Variants in CCDC88A observed in about 807,000 individuals in gnomAD.
CCDC88A encodes the protein coiled-coil and HOOK domain protein 88A, also known as girdin.
CCDC88A carries 54 observed loss-of-function variants against 234.3 expected under a neutral mutation model. That is an observed-to-expected ratio of 0.23 (90% CI 0.19 to 0.29). The LOEUF is 0.29. CCDC88A is among the 10% of genes least tolerant of loss of function. The probability of loss-of-function intolerance (pLI) is 1.00; values close to 1 mark genes in which losing one functional copy is unlikely to be tolerated. For synonymous variants in CCDC88A, 753 were observed against 737.8 expected (o/e 1.02, Z -0.33); for missense variants, 1,832 against 2,123.4 (o/e 0.86, Z 2.70).
At chr2:55,376,917 C>T (rs891388654) in intron 3 of CCDC88A, among the ~76,000 whole-genome samples, 3 of 152,242 alleles carry the variant, frequency 2.0e-5, no homozygotes, top group Middle Eastern at 3.4e-3. Context: ...CTGCAACCTC[C>T]GCCTCCCTGG....
chr2:55,294,387 T>C (rs1679780482), intron 31 of CCDC88A: 2 of 953,728 alleles, frequency 2.1e-6, no homozygotes, highest in Non-Finnish European at 2.5e-6. Context: ...GATGGGGTTT[T>C]CTAAGAATAA....
At chr2:55,342,746 GA>G (rs1668666586) in intron 12 of CCDC88A, among the ~76,000 whole-genome samples, 1 of 152,076 alleles carries the variant, frequency 6.6e-6, no homozygotes, top group Admixed American at 6.5e-5. Flanking sequence ...TCAATAGGAT[GA>G]ATCATCTATA....
At chr2:55,314,348 G>A (rs1370430059) in intron 22 of CCDC88A, 1 of 152,200 alleles carries the variant, frequency 6.6e-6, no homozygotes, top group Non-Finnish European at 1.5e-5. Context: ...CGTTGTTAAA[G>A]AGCATTATCA....
At chr2:55,292,848 G>A (rs1386201461) in intron 31 of CCDC88A, 1 of 152,246 alleles carries the variant, frequency 6.6e-6, no homozygotes, top group Non-Finnish European at 1.5e-5. Context: ...GCTACAGAGT[G>A]AGATTCCATC....
chr2:55,367,274 A>G lies in CCDC88A; in HGVS notation c.403-3241T>C, dbSNP rs1193968885. Among the ~76,000 whole-genome samples the G allele has an allele frequency of 4.6e-5, 7 of 152,268 alleles. No individual in the cohort carries two copies. In the South Asian group the frequency reaches 1.0e-3, roughly 23 times the overall value. The stretch of plus-strand genomic sequence containing the variant: ...CAAAGGGAGTCATCATTTAATGGGT[A>G]CAGAGTTTTAGCTTCAGAAGATGAG... On this transcript the variant is annotated intron_variant, in intron 5 of 32. Transcript: ENST00000436346.
At chr2:55,418,768 T>C (rs1273006461) in intron 2 of CCDC88A, 48 bp downstream of exon 2, 3 of 1,415,496 alleles carry the variant, frequency 2.1e-6, no homozygotes, top group South Asian at 1.1e-5. Context: ...GTTCACCATA[T>C]GCTATTTCTC....
At chr2:55,316,316 T>C (rs1682974036) in intron 21 of CCDC88A, among the ~76,000 whole-genome samples, 1 of 152,176 alleles carries the variant, frequency 6.6e-6, no homozygotes, top group Admixed American at 6.5e-5. Flanking sequence ...CCCTTGAAAA[T>C]AATTTTTAAT....
chr2:55,341,446 C>T (rs1668487854), intron 12 of CCDC88A, among the ~76,000 whole-genome samples: 1 of 126,612 alleles, frequency 7.9e-6, no homozygotes, highest in African/African-American at 3.0e-5. Context: ...CACTCCCCGC[C>T]CCCTTTTTTT....
chr2:55,400,224 A>C (rs1309532400), intron 2 of CCDC88A, among the ~76,000 whole-genome samples: 2 of 152,152 alleles, frequency 1.3e-5, no homozygotes, highest in African/African-American at 2.4e-5. Context: ...TTTTTTTCTA[A>C]AGAATGTATC....
chr2:55,382,473 T>C (rs931335327), intron 3 of CCDC88A, among the ~76,000 whole-genome samples: 3 of 152,172 alleles, frequency 2.0e-5, no homozygotes, highest in African/African-American at 7.2e-5. Flanking sequence ...GCGGCCAATA[T>C]AGTCACACCA....
intron 31 of CCDC88A, chr2:55,292,928 T>C (rs756348086): frequency 6.6e-6 from 1 of 152,060 alleles, no homozygotes; most frequent in Non-Finnish European, 1.5e-5. Context: ...CAGGTGATGA[T>C]TTCTGAAGTC....
At chr2:55,378,753 T>C (rs1574363028) in intron 3 of CCDC88A, among the ~76,000 whole-genome samples, 1 of 47,124 alleles carries the variant, frequency 2.1e-5, no homozygotes, top group African/African-American at 6.6e-5. Context: ...TTTTTTTTTT[T>C]TTTTTTTTTT....
chr2:55,351,333 G>C (rs1236447081), intron 8 of CCDC88A, among the ~76,000 whole-genome samples: 1 of 151,642 alleles, frequency 6.6e-6, no homozygotes, highest in Non-Finnish European at 1.5e-5. Flanking sequence ...GAAGTATTTA[G>C]AATTTTTTTC....
At chr2:55,291,581 C>T (rs1573964103) in intron 32 of CCDC88A, 95 bp downstream of exon 32, 2 of 492,278 alleles carry the variant, frequency 4.1e-6, no homozygotes, top group Non-Finnish European at 7.3e-6. Context: ...GCAATATTTA[C>T]ATCTGTTAAT....
chr2:55,309,361 A>G lies in CCDC88A; in HGVS notation c.4080-107T>C. 1 of 512,844 alleles carries G rather than the reference A, an allele frequency of 1.9e-6. No individual in the cohort carries two copies. Among genetic ancestry groups the G allele is most frequent in the Non-Finnish European group, 3.4e-6 (1 of 290,158 alleles). The allele number at this position is 512,844 out of a possible 1,614,324, so 31.8% of individuals were successfully genotyped here. A position where few individuals can be genotyped will look rare whatever the true frequency, so the allele number is the denominator to read the frequency against. ...TAATGTCTCCCCAAAACATAAAAAAATACAGATACCATGGTTGGCAACTAA... is the reference window on the plus strand; with the variant it reads ...TAATGTCTCCCCAAAACATAAAAAAGTACAGATACCATGGTTGGCAACTAA... On this transcript the variant is annotated intron_variant, in intron 23 of 32. Coordinates refer to ENST00000436346, the MANE Select transcript of CCDC88A (RefSeq NM_001365480.1). The surrounding 1 kb of genome is among the most constrained non-coding windows in gnomAD (Gnocchi z 5.1).
rs529129721 is a variant in CCDC88A, at chr2:55,414,232, G to A, written c.164+4584C>T. Among the ~76,000 whole-genome samples the A allele has an allele frequency of 1.3e-3, 192 of 152,208 alleles. 1 individual carries two copies. The highest frequency in any genetic ancestry group is 4.0e-3 in the African/African-American group (164 of 41,510). The stretch of plus-strand genomic sequence containing the variant: ...ACCGTTTGGGTAATATGAATTGGAC[G>A]TTTTTAAAATTTTAGGAGTATGAAA... On this transcript the variant is annotated intron_variant, in intron 2 of 32. Coordinates refer to ENST00000436346, the MANE Select transcript of CCDC88A (RefSeq NM_001365480.1).
Position 55,295,701 on chromosome 2 carries a change from G to A in CCDC88A, c.5447C>T (p.Thr1816Ile). Reference protein sequence around the residue: ...SSVISTAEGTTRRTSIHDFLT... With the variant: ...SSVISTAEGTIRRTSIHDFLT... ...AAAATCATGGATGCTTGTCCTTCGT[G>A]TAGTTCCTTCGGCAGTTGAGATCAC... Residue 1816 changes from threonine to isoleucine, a missense_variant, in exon 31 of 33, where the codon ACA (threonine) becomes ATA (isoleucine). By Grantham distance (89) the Thr-to-Ile change is moderately conservative. Coordinates refer to ENST00000436346, the MANE Select transcript of CCDC88A (RefSeq NM_001365480.1). 2 of 1,614,194 alleles carry A rather than the reference G, an allele frequency of 1.2e-6. No homozygotes were observed.
rs775569241 is a variant in CCDC88A, at chr2:55,346,368, TTC to T, written c.883-37_883-36del. The T allele has an allele frequency of 9.6e-6, 12 of 1,253,162 alleles. No homozygotes were observed. In the South Asian group the frequency reaches 1.5e-4, roughly 15 times the overall value. 77.6% of individuals were successfully genotyped at this position (1,253,162 alleles called of 1,614,324 possible). ...AATTTAAAATTATATTTTAATTATTTTCTGTTATCAACTTGTTATTCTTTGTT... is the reference window on the plus strand; with the variant it reads ...AATTTAAAATTATATTTTAATTATTTTGTTATCAACTTGTTATTCTTTGTT... On this transcript the variant is annotated intron_variant, in intron 9 of 32. Coordinates refer to ENST00000436346, the MANE Select transcript of CCDC88A (RefSeq NM_001365480.1).
At chr2:55,357,019 C>T (rs1187659281) in intron 7 of CCDC88A, among the ~76,000 whole-genome samples, 1 of 152,166 alleles carries the variant, frequency 6.6e-6, no homozygotes, top group Non-Finnish European at 1.5e-5. Flanking sequence ...TCTTGGACAG[C>T]CCAGGAATAC....
Sources: gnomAD v4.1 joint callset for allele counts (sites outside exome capture counted in the v4.1 genomes callset) on GRCh38, gnomAD v4.1.1 for gene constraint, Gnocchi (gnomAD v3.1) non-coding constraint, MANE v1.5 for transcripts, NCBI Gene and HGNC (gene_info 2026-07-23, HGNC 2026-07-21) for gene names.